Variants in TRIQK observed in about 807,000 individuals in gnomAD.
The protein encoded by TRIQK is triple QxxK/R motif containing.
Under a neutral mutation model 10.8 loss-of-function variants are expected in TRIQK, and 10 were observed. That is an observed-to-expected ratio of 0.92 (90% CI 0.57 to 1.57). The LOEUF is 1.57. Among genes scored for constraint, TRIQK ranks in the 40% most tolerant of loss-of-function variants. The pLI, the probability that TRIQK is intolerant of heterozygous loss-of-function variation, is 0.00. For synonymous variants in TRIQK, 33 were observed against 33.7 expected, an observed-to-expected ratio of 0.98 and a Z score of 0.07; for missense variants, 107 against 97.7, an observed-to-expected ratio of 1.09 and a Z score of -0.40.
chr8:93,008,495 C>G (rs1048687635), intron 1 of TRIQK, among the ~76,000 whole-genome samples: 1 of 152,054 alleles, frequency 6.6e-6, no homozygotes, highest in Non-Finnish European at 1.5e-5. Context: ...TTCACAGGAA[C>G]AGAAATAATC....
chr8:92,934,749 T>G (rs1389552178), intron 2 of TRIQK, among the ~76,000 whole-genome samples: 1 of 151,934 alleles, frequency 6.6e-6, no homozygotes, highest in Non-Finnish European at 1.5e-5. Context: ...TAACATGTAT[T>G]TATCAGCTAT....
In TRIQK at chr8:92,923,656, G is replaced by A. The variant is rs891110860; in HGVS notation, c.-21-6646C>T. ...CTGATTTTATTTAATACTTAAATTG[G>A]ATATTAAAATAATTCAGTTAATTTT... is the stretch of plus-strand genomic sequence containing the variant. On this transcript the variant is annotated intron_variant, in intron 2 of 4. Transcript: ENST00000521988. 4.6e-5 allele frequency among the ~76,000 whole-genome samples: 7 copies of A among 151,838 alleles called. No individual in the cohort carries two copies. The South Asian group carries it at 1.5e-3, about 31-fold the overall frequency.
At chr8:92,921,712 G>T in intron 2 of TRIQK, 1 of 151,664 alleles carries the variant, frequency 6.6e-6, no homozygotes, top group East Asian at 1.9e-4. Context: ...TACATTTTTC[G>T]CATTTATTTG....
chr8:92,914,174 G>T (rs1218610286), intron 3 of TRIQK, among the ~76,000 whole-genome samples: 3 of 152,120 alleles, frequency 2.0e-5, no homozygotes, highest in African/African-American at 7.2e-5. Flanking sequence ...ATTAGGTATA[G>T]AATGAATATC....
upstream of TRIQK, chr8:92,966,244 G>A (rs186118818): frequency 5.2e-5 from 8 of 152,422 alleles, no homozygotes; most frequent in African/African-American, 1.7e-4. Context: ...CAAAGGCGCT[G>A]GCCCTGAGGC....
At chr8:92,942,478 G>A (rs542462528) in intron 2 of TRIQK, among the ~76,000 whole-genome samples, 2 of 152,114 alleles carry the variant, frequency 1.3e-5, no homozygotes, top group African/African-American at 4.8e-5. Flanking sequence ...CTAAGATCTG[G>A]AGCAAGACAA....
intron 1 of TRIQK, among the ~76,000 whole-genome samples, chr8:92,985,940 A>G (rs891763613): frequency 6.6e-6 from 1 of 152,190 alleles, no homozygotes. Flanking sequence ...CATGAACTTA[A>G]TAATTTACAA....
chr8:92,958,248 T>C (rs934677288), intron 1 of TRIQK, among the ~76,000 whole-genome samples: 1 of 151,906 alleles, frequency 6.6e-6, no homozygotes, highest in Non-Finnish European at 1.5e-5. Context: ...AATCTTATTA[T>C]ACTTATTTCA....
At chr8:93,015,847 C>T (rs1261281654) in intron 1 of TRIQK, among the ~76,000 whole-genome samples, 3 of 151,914 alleles carry the variant, frequency 2.0e-5, no homozygotes, top group African/African-American at 7.3e-5. Context: ...GTACTTTTCA[C>T]AAAGCAGGAG....
intron 1 of TRIQK, among the ~76,000 whole-genome samples, chr8:92,987,257 C>G (rs578216223): frequency 6.6e-6 from 1 of 152,278 alleles, no homozygotes; most frequent in South Asian, 2.1e-4. Context: ...CTGCCTCTAC[C>G]TTGTAGTACA....
At chr8:93,001,324 G>T (rs936103775) in intron 1 of TRIQK, among the ~76,000 whole-genome samples, 2 of 148,876 alleles carry the variant, frequency 1.3e-5, no homozygotes, top group African/African-American at 4.9e-5. Context: ...AAAAAAAAAT[G>T]ATATAGAGAG....
At chr8:92,995,155 A>AT (rs1195158800) in intron 1 of TRIQK, among the ~76,000 whole-genome samples, 2 of 151,844 alleles carry the variant, frequency 1.3e-5, no homozygotes, top group Non-Finnish European at 2.9e-5. Flanking sequence ...CCATAATGTC[A>AT]TTTTTTATGT....
chr8:92,907,069 A>C (rs1809309584), intron 3 of TRIQK, among the ~76,000 whole-genome samples: 1 of 152,194 alleles, frequency 6.6e-6, no homozygotes, highest in Non-Finnish European at 1.5e-5. Context: ...AGAGAAAGAG[A>C]TTGAGATTGA....
At chr8:92,889,398 T>C (rs1321421196) in intron 4 of TRIQK, among the ~76,000 whole-genome samples, 1 of 151,674 alleles carries the variant, frequency 6.6e-6, no homozygotes, top group East Asian at 1.9e-4. Flanking sequence ...ATATTTATGG[T>C]AATTTATAAA....
chr8:92,981,280 A>G (rs1812983822), intron 1 of TRIQK, among the ~76,000 whole-genome samples: 1 of 151,764 alleles, frequency 6.6e-6, no homozygotes, highest in Non-Finnish European at 1.5e-5. Flanking sequence ...TTATTAGTAC[A>G]TGGTCATTTG....
Position 92,916,966 on chromosome 8 carries a change from A to T in TRIQK, c.24T>A (p.Thr8=). The T allele has an allele frequency of 6.6e-7, 1 of 1,506,548 alleles. No individual in the cohort carries two copies. The highest frequency in any genetic ancestry group is 8.8e-7 in the Non-Finnish European group (1 of 1,133,438). The allele number at this position is 1,506,548 out of a possible 1,614,324, so 93.3% of individuals were successfully genotyped here. MGRKDAA[T]IKLPVDQYRK... ...TGTACTGATCAACAGGAAGTTTTATAGTAGCAGCATCTTTTCTACCCATCT... is the reference window on the plus strand; with the variant it reads ...TGTACTGATCAACAGGAAGTTTTATTGTAGCAGCATCTTTTCTACCCATCT... The change falls in exon 3 of 5, where the codon ACT becomes ACA. Residue 8 remains threonine (T), a synonymous_variant. Coordinates refer to ENST00000521988, the MANE Select transcript of TRIQK (RefSeq NM_001171797.2).
Position 92,883,627 on chromosome 8 carries a change from G to A in TRIQK, c.*2995C>T, listed in dbSNP as rs1009718017. The A allele has an allele frequency of 1.3e-5, 2 of 151,572 alleles. No homozygotes were observed. The highest frequency in any genetic ancestry group is 4.8e-5 in the African/African-American group (2 of 41,318). 9.4% of individuals were successfully genotyped at this position (151,572 alleles called of 1,614,324 possible). The stretch of plus-strand genomic sequence containing the variant: ...TGACAGACTCTGAGAGGACTAAAAG[G>A]CATCAACTTAAATTTTAACATGCAT... On this transcript the variant is annotated 3_prime_UTR_variant, in exon 5 of 5. Transcript: ENST00000521988.
chr8:92,941,233 A>AT (rs1040241389), intron 2 of TRIQK: 1 of 151,952 alleles, frequency 6.6e-6, no homozygotes, highest in South Asian at 2.1e-4. Context: ...TACCCAGCTA[A>AT]TTTTTGTATT....
chr8:93,001,297 C>A, intron 1 of TRIQK, among the ~76,000 whole-genome samples: 1 of 146,378 alleles, frequency 6.8e-6, no homozygotes, highest in East Asian at 2.0e-4. Flanking sequence ...CACAGTCAGA[C>A]TCCATCTCAA....
Sources: gnomAD v4.1 joint callset for allele counts (sites outside exome capture counted in the v4.1 genomes callset) on GRCh38, gnomAD v4.1.1 for gene constraint, MANE v1.5 for transcripts, NCBI Gene and HGNC (gene_info 2026-07-23, HGNC 2026-07-21) for gene names.